Variants in QDPR observed in about 807,000 individuals in gnomAD.
The protein encoded by QDPR is quinoid dihydropteridine reductase, also known as dihydropteridine reductase.
A neutral mutation model predicts 31.7 loss-of-function variants in QDPR; 23 were observed. That is an observed-to-expected ratio of 0.73 (90% CI 0.52 to 1.03). The LOEUF (loss-of-function observed/expected upper bound fraction) is 1.03, where lower values mean the gene tolerates loss of function less well. Ranked by LOEUF, QDPR falls within the 50% of genes least tolerant of loss-of-function variation. QDPR has a pLI of 0.00. For missense variants in QDPR, 324 were observed against 323.8 expected, an observed-to-expected ratio of 1.00 and a Z score of 0.00; for synonymous variants, 124 against 124.7, an observed-to-expected ratio of 0.99 and a Z score of 0.03.
chr4:17,500,302 A>G (rs183163522), intron 4 of QDPR, among the ~76,000 whole-genome samples: 2 of 152,280 alleles, frequency 1.3e-5, no homozygotes, highest in Admixed American at 1.3e-4. Context: ...TAGTTGAGGT[A>G]GACACTTTCT....
chr4:17,487,084 G>T lies in QDPR; in HGVS notation c.*47C>A, dbSNP rs138092282. The T allele has an allele frequency of 5.8e-5, 85 of 1,458,326 alleles. No individual in the cohort carries two copies. Among genetic ancestry groups the T allele is most frequent in the Non-Finnish European group, 7.7e-5 (80 of 1,039,120 alleles). 90.3% of individuals were successfully genotyped at this position (1,458,326 alleles called of 1,614,324 possible). A position where few individuals can be genotyped will look rare whatever the true frequency, so the allele number is the denominator to read the frequency against. On this transcript the variant is annotated 3_prime_UTR_variant, in exon 7 of 7. Transcript: ENST00000281243. ...GGCTGGACAAGGCCACACTGAGACA[G>T]GTTAGTGACTTTTCTGGCAGGCCCC... is the stretch of plus-strand genomic sequence containing the variant.
chr4:17,501,821 T>C lies in QDPR; in HGVS notation c.334A>G (p.Ile112Val), dbSNP rs112686538. 16 of 1,614,192 alleles carry C rather than the reference T, an allele frequency of 9.9e-6. No homozygotes were observed. Among genetic ancestry groups the C allele is most frequent in the African/African-American group, 8.0e-5 (6 of 75,062 alleles). Residue 112 changes from isoleucine (I) to valine (V), a missense_variant, in exon 4 of 7, where the codon ATA (isoleucine) becomes GTA (valine). Physicochemically the swap from Ile to Val is conservative, Grantham distance 29 (BLOSUM62 3). Coordinates refer to ENST00000281243, the MANE Select transcript of QDPR (RefSeq NM_000320.3). ...TGGCTGGAGATGGTCGATGTCCATA[T>C]GCTCTGCTTCCACATCAGGTCACAG... ...KNCDLMWKQS[I>V]WTSTISSHLA... is the part of the protein sequence containing the mutation.
At position 17,512,029 on chromosome 4, in the gene QDPR, T is replaced by G. The variant is rs768958859; in HGVS notation, c.26A>C (p.Glu9Ala). 1 of 1,604,594 alleles carries G rather than the reference T, an allele frequency of 6.2e-7. No individual in the cohort carries two copies. Among genetic ancestry groups the G allele is most frequent in the Non-Finnish European group, 8.5e-7 (1 of 1,176,698 alleles). ...GCCGTACACCAGCACCCGGCGCGCCTCGCCTGCAGCCGCCGCCGCCGCCAT... is the reference window on the plus strand; with the variant it reads ...GCCGTACACCAGCACCCGGCGCGCCGCGCCTGCAGCCGCCGCCGCCGCCAT... MAAAAAAG[E>A]ARRVLVYGGR... Residue 9 changes from glutamate (E) to alanine (A), a missense_variant, in exon 1 of 7, where the codon GAG (glutamate) becomes GCG (alanine). By Grantham distance (107) the Glu-to-Ala change is moderately radical. Transcript: ENST00000281243.
intron 6 of QDPR, among the ~76,000 whole-genome samples, chr4:17,488,668 A>G (rs901373586): frequency 2.0e-5 from 3 of 152,222 alleles, no homozygotes; most frequent in African/African-American, 4.8e-5. Context: ...CATTTTGACA[A>G]TTCACCAGCT....
At chr4:17,492,667 T>A (rs1718211324) in intron 4 of QDPR, among the ~76,000 whole-genome samples, 1 of 152,166 alleles carries the variant, frequency 6.6e-6, no homozygotes, top group African/African-American at 2.4e-5. Context: ...AATGAACATT[T>A]ATGGAGAGAA....
chr4:17,486,846 G>T lies in QDPR; in HGVS notation c.*285C>A. The T allele has an allele frequency of 2.3e-6, 1 of 438,300 alleles. No homozygotes were observed. Among genetic ancestry groups the T allele is most frequent in the Non-Finnish European group, 4.2e-6 (1 of 238,586 alleles). 27.2% of individuals were successfully genotyped at this position (438,300 alleles called of 1,614,324 possible). A position where few individuals can be genotyped will look rare whatever the true frequency, so the allele number is the denominator to read the frequency against. On this transcript the variant is annotated 3_prime_UTR_variant, in exon 7 of 7. Coordinates refer to ENST00000281243, the MANE Select transcript of QDPR (RefSeq NM_000320.3). ...AGGACAGATGAACAGTCACAAAAGC[G>T]ATCCAACATGACACCGCTATAGCAG... is the stretch of plus-strand genomic sequence containing the variant.
At chr4:17,507,602 CTTT>C (rs5856426) in intron 2 of QDPR, among the ~76,000 whole-genome samples, 3 of 143,692 alleles carry the variant, frequency 2.1e-5, no homozygotes. Context: ...ATTTTTCTTT[CTTT>C]TTTTTTTTTT....
intron 6 of QDPR, 115 bp downstream of exon 6, chr4:17,490,547 C>T: frequency 1.1e-6 from 1 of 872,680 alleles, no homozygotes; most frequent in Non-Finnish European, 1.9e-6. Flanking sequence ...CCAGAGACCT[C>T]CCAAGACCAC....
intron 6 of QDPR, 35 bp from the exon 7 acceptor site, chr4:17,487,271 C>G: frequency 6.9e-7 from 1 of 1,452,150 alleles, no homozygotes; most frequent in Non-Finnish European, 9.4e-7. Flanking sequence ...TTTATATTCT[C>G]AAAGCAAAAA....
Position 17,487,256 on chromosome 4 carries a change from T to C in QDPR, c.630-20A>G. 4 of 1,596,970 alleles carry C rather than the reference T, an allele frequency of 2.5e-6. No individual in the cohort carries two copies. Among genetic ancestry groups the C allele is most frequent in the Non-Finnish European group, 3.4e-6 (4 of 1,164,638 alleles). ...AAAGTTCTGGAACAGAAAATAAAAG[T>C]TTTTTTTATATTCTCAAAGCAAAAA... On this transcript the variant is annotated intron_variant, in intron 6 of 6. Transcript: ENST00000281243.
chr4:17,501,685 A>AC, intron 4 of QDPR, 34 bp downstream of exon 4: 1 of 1,612,030 alleles, frequency 6.2e-7, no homozygotes, highest in Non-Finnish European at 8.5e-7. Context: ...AAGGTAAGCA[A>AC]CCCCACTCCA....
chr4:17,508,633 T>TAAA (rs34858847), intron 2 of QDPR, among the ~76,000 whole-genome samples: 1 of 127,098 alleles, frequency 7.9e-6, no homozygotes, highest in African/African-American at 2.8e-5. Context: ...TATTTAAGTA[T>TAAA]AAAAAAAAAA....
chr4:17,502,255 C>G (rs974467505), intron 3 of QDPR, among the ~76,000 whole-genome samples: 1 of 152,188 alleles, frequency 6.6e-6, no homozygotes, highest in African/African-American at 2.4e-5. Context: ...TATTACTGTA[C>G]AGCTATAAAG....
At position 17,486,678 on chromosome 4, in the gene QDPR, C is replaced by A; in HGVS notation, c.*453G>T. On this transcript the variant is annotated 3_prime_UTR_variant, in exon 7 of 7. Transcript: ENST00000281243. ...AGAGTCCATGTAGTTTTGCTTATAC[C>A]ACAAAAGGAGTTAAGGCAGTTTAAT... The A allele has an allele frequency of 5.0e-6, 1 of 200,462 alleles. No homozygotes were observed. 12.4% of individuals were successfully genotyped at this position (200,462 alleles called of 1,614,324 possible).
rs560933456 is a variant in QDPR at position 17,486,563 on chromosome 4, A to C, written c.*568T>G. 342 of 157,260 alleles carry C rather than the reference A, an allele frequency of 2.2e-3. 1 individual carries two copies. Among genetic ancestry groups the C allele is most frequent in the Non-Finnish European group, 3.1e-3 (219 of 70,732 alleles). 9.7% of individuals were successfully genotyped at this position (157,260 alleles called of 1,614,324 possible). A position where few individuals can be genotyped will look rare whatever the true frequency, so the allele number is the denominator to read the frequency against. Reference sequence around the variant, plus strand: ...ACAACAAGTGCATTTATTAGGAACAACATTCTGAATACTCACGAGTAGTTA... The same window carrying C: ...ACAACAAGTGCATTTATTAGGAACACCATTCTGAATACTCACGAGTAGTTA... On this transcript the variant is annotated 3_prime_UTR_variant, in exon 7 of 7. Transcript: ENST00000281243.
In QDPR at chr4:17,487,256, T is replaced by G. The variant is rs769294923; in HGVS notation, c.630-20A>C. On this transcript the variant is annotated intron_variant, in intron 6 of 6. Transcript: ENST00000281243. ...AAAGTTCTGGAACAGAAAATAAAAG[T>G]TTTTTTTATATTCTCAAAGCAAAAA... 15 of 1,596,852 alleles carry G rather than the reference T, an allele frequency of 9.4e-6. No homozygotes were observed. The highest frequency in any genetic ancestry group is 5.4e-5 in the African/African-American group (4 of 74,462).
intron 3 of QDPR, 143 bp from the exon 4 acceptor site, chr4:17,502,002 C>T: frequency 1.0e-6 from 1 of 977,228 alleles, no homozygotes; most frequent in Non-Finnish European, 1.6e-6. Context: ...ACAAACAGCA[C>T]AGGGCTCAGT....
At chr4:17,493,089 G>A (rs1718225123) in intron 4 of QDPR, among the ~76,000 whole-genome samples, 1 of 152,196 alleles carries the variant, frequency 6.6e-6, no homozygotes, top group Non-Finnish European at 1.5e-5. Flanking sequence ...GGTTTGAGGT[G>A]TTTTCTAACA....
At chr4:17,502,531 A>G (rs2108993422) in intron 3 of QDPR, among the ~76,000 whole-genome samples, 1 of 152,238 alleles carries the variant, frequency 6.6e-6, no homozygotes, top group East Asian at 1.9e-4. Context: ...GCATTTCCCC[A>G]CTAAAAAAGA....
Sources: gnomAD v4.1 joint callset for allele counts (sites outside exome capture counted in the v4.1 genomes callset) on GRCh38, gnomAD v4.1.1 for gene constraint, MANE v1.5 for transcripts, NCBI Gene and HGNC (gene_info 2026-07-23, HGNC 2026-07-21) for gene names.